The following PRUNE2 variants were observed in gnomAD, a reference collection of about 807,000 sequenced individuals.
PRUNE2 encodes prune homolog 2 with BCH domain.
A neutral mutation model predicts 252.0 loss-of-function variants in PRUNE2; 164 were observed. The observed-to-expected ratio is 0.65, with a 90% CI of 0.57 to 0.74. The LOEUF is 0.74. Ranked by LOEUF, PRUNE2 falls within the 30% of genes least tolerant of loss-of-function variation. PRUNE2 has a pLI of 0.00. For synonymous variants in PRUNE2, 1,292 were observed against 1,350.2 expected, an observed-to-expected ratio of 0.96 and a Z score of 0.94; for missense variants, 3,495 against 3,711.0, an observed-to-expected ratio of 0.94 and a Z score of 1.51.
chr9:76,643,051 C>T (rs1266037737), intron 12 of PRUNE2, among the ~76,000 whole-genome samples: 1 of 152,114 alleles, frequency 6.6e-6, no homozygotes. Flanking sequence ...CCAGGTTAGC[C>T]CTGAGGGCTC....
intron 9 of PRUNE2, among the ~76,000 whole-genome samples, chr9:76,668,194 A>G (rs1055926052): frequency 3.3e-5 from 5 of 152,228 alleles, no homozygotes; most frequent in African/African-American, 1.2e-4. Context: ...ATAGTGCAGA[A>G]TACTCACAGG....
chr9:76,879,601 G>A (rs11145111), intron 1 of PRUNE2, among the ~76,000 whole-genome samples: 4,705 of 151,742 alleles, frequency 0.031, 256 homozygotes, highest in African/African-American at 0.11. Context: ...AAATAACAGG[G>A]AAAAGTAATT....
At chr9:76,642,588 G>A (rs147176921) in intron 12 of PRUNE2, among the ~76,000 whole-genome samples, 108 of 152,274 alleles carry the variant, frequency 7.1e-4, no homozygotes, top group African/African-American at 2.4e-3. Flanking sequence ...AGAGCAAAAT[G>A]TCAAGCACCA....
chr9:76,710,478 T>A lies in PRUNE2; in HGVS notation c.1796A>T (p.Glu599Val). 6.2e-7 allele frequency: 1 copy of A among 1,613,998 alleles called. No homozygotes were observed. The highest frequency in any genetic ancestry group is 8.5e-7 in the Non-Finnish European group (1 of 1,179,894). ...DFVGDESPSPERLKNTGKRIP... is the reference protein window; with the variant it reads ...DFVGDESPSPVRLKNTGKRIP... Reference sequence around the variant, plus strand: ...CCTCTTTCCAGTATTTTTTAGCCTTTCTGGGGAAGGGGATTCATCTCCCAC... The same window carrying A: ...CCTCTTTCCAGTATTTTTTAGCCTTACTGGGGAAGGGGATTCATCTCCCAC... Residue 599 changes from glutamate to valine, a missense_variant, in exon 8 of 19, where the codon GAA (glutamate) becomes GTA (valine). Transcript: ENST00000376718.
chr9:76,800,671 C>G (rs2056487352), intron 6 of PRUNE2, among the ~76,000 whole-genome samples: 1 of 152,120 alleles, frequency 6.6e-6, no homozygotes, highest in Non-Finnish European at 1.5e-5. Flanking sequence ...AAAAGGAAGA[C>G]ATTGCGCCCT....
At chr9:76,644,529 T>C in intron 12 of PRUNE2, 1 of 668,716 alleles carries the variant, frequency 1.5e-6, no homozygotes, top group Non-Finnish European at 2.7e-6. Flanking sequence ...GCCCGTTTTA[T>C]ATTGGAAAGT....
At chr9:76,641,579 C>T (rs1842604454) in intron 12 of PRUNE2, among the ~76,000 whole-genome samples, 2 of 152,206 alleles carry the variant, frequency 1.3e-5, no homozygotes, top group South Asian at 4.1e-4. Context: ...CCCTCAATTT[C>T]TATTCTCAAA....
rs555241913 is a variant in PRUNE2, at chr9:76,775,673, T to C, written c.756+47959A>G. 6.8e-4 allele frequency among the ~76,000 whole-genome samples: 103 copies of C among 152,322 alleles called. 1 individual carries two copies. Among genetic ancestry groups the C allele is most frequent in the South Asian group, 1.7e-3 (8 of 4,820 alleles). ...CTCTTCAGGTATGCAAGGAATGTTA[T>C]CTCTTTACATTTGCCCTAGAACTCC... On this transcript the variant is annotated intron_variant, in intron 6 of 18. Coordinates refer to ENST00000376718, the MANE Select transcript of PRUNE2 (RefSeq NM_015225.3).
intron 4 of PRUNE2, among the ~76,000 whole-genome samples, chr9:76,844,607 A>G (rs2059573056): frequency 6.6e-6 from 1 of 152,126 alleles, no homozygotes; most frequent in Admixed American, 6.6e-5. Flanking sequence ...TCTCCCCTCC[A>G]CATACATACA....
intron 6 of PRUNE2, among the ~76,000 whole-genome samples, chr9:76,814,327 T>C (rs977778680): frequency 6.6e-6 from 1 of 152,020 alleles, no homozygotes; most frequent in African/African-American, 2.4e-5. Flanking sequence ...TCCATCTGAG[T>C]CTCTTAGAAA....
At chr9:76,821,362 G>C (rs902155360) in intron 6 of PRUNE2, among the ~76,000 whole-genome samples, 1 of 152,150 alleles carries the variant, frequency 6.6e-6, no homozygotes, top group Admixed American at 6.6e-5. Flanking sequence ...AGGTTAATGG[G>C]AATGAGAAAG....
chr9:76,754,543 A>C (rs2050931148), intron 6 of PRUNE2, among the ~76,000 whole-genome samples: 1 of 152,164 alleles, frequency 6.6e-6, no homozygotes, highest in Non-Finnish European at 1.5e-5. Context: ...TACCGGCCAA[A>C]CACTTCCTGT....
intron 9 of PRUNE2, among the ~76,000 whole-genome samples, chr9:76,694,651 G>A (rs981227560): frequency 1.3e-5 from 2 of 152,014 alleles, no homozygotes; most frequent in South Asian, 2.1e-4. Flanking sequence ...ACTCCTTTTT[G>A]TCTTGCAAGA....
chr9:76,855,082 A>AAAAAAAAAAATATATAT (rs1490285240), intron 1 of PRUNE2, among the ~76,000 whole-genome samples: 14 of 109,398 alleles, frequency 1.3e-4, no homozygotes, highest in African/African-American at 5.0e-4. Context: ...AAAAAAAAAA[A>AAAAAAAAAAATATATAT]ATATATATAT....
chr9:76,791,987 A>G (rs2055594656), intron 6 of PRUNE2, among the ~76,000 whole-genome samples: 1 of 152,138 alleles, frequency 6.6e-6, no homozygotes, highest in African/African-American at 2.4e-5. Context: ...ATGCAGGGGC[A>G]TGCTCCCAAG....
rs142294693 is a variant in PRUNE2 at position 76,652,385 on chromosome 9, T to A, written c.8557+98A>T. 3.2e-3 allele frequency: 2,587 copies of A among 811,662 alleles called. 39 individuals carry two copies. In the African/African-American group the frequency reaches 0.038, roughly 12 times the overall value. The allele number at this position is 811,662 out of a possible 1,614,324, so 50.3% of individuals were successfully genotyped here. ...AAATAAAAACAGAAGCTTCTAGAAA[T>A]CACAAAAAGGATCCACTGGCACAAA... On this transcript the variant is annotated intron_variant, in intron 11 of 18. Coordinates refer to ENST00000376718, the MANE Select transcript of PRUNE2 (RefSeq NM_015225.3).
In PRUNE2 at chr9:76,636,472, T is replaced by G; in HGVS notation, c.9049A>C (p.Ser3017Arg). 1 of 1,493,840 alleles carries G rather than the reference T, an allele frequency of 6.7e-7. No homozygotes were observed. The highest frequency in any genetic ancestry group is 1.2e-5 in the South Asian group (1 of 82,852). 92.5% of individuals were successfully genotyped at this position (1,493,840 alleles called of 1,614,324 possible). The change falls in exon 15 of 19, where the codon AGT becomes CGT. Residue 3017 changes from serine to arginine, a missense_variant and splice_region_variant. By Grantham distance (110) the Ser-to-Arg change is moderately radical. Coordinates refer to ENST00000376718, the MANE Select transcript of PRUNE2 (RefSeq NM_015225.3). The part of the protein sequence containing the change: ...TILAVTRPFI[S>R]SKFSSKIKYV... ...ATTTTATGACAACATTAACTGTACC[T>G]TATAAAAGGTCGTGTCACAGCAAGG...
chr9:76,644,484 A>AC, intron 12 of PRUNE2: 1 of 422,086 alleles, frequency 2.4e-6, no homozygotes, highest in Non-Finnish European at 4.1e-6. Flanking sequence ...ATAAATTTGC[A>AC]CAAGATGATC....
In PRUNE2 at chr9:76,703,553, G is replaced by A; in HGVS notation, c.8060C>T (p.Ala2687Val). The change falls in exon 9 of 19, where the codon GCA becomes GTA. Residue 2687 changes from alanine (A) to valine (V), a missense_variant. By Grantham distance (64) the Ala-to-Val change is moderately conservative. Coordinates refer to ENST00000376718, the MANE Select transcript of PRUNE2 (RefSeq NM_015225.3). ...LEEMKPLESL[A>V]LEEASGPVSQ... is the part of the protein sequence containing the mutation. ...GACTGGACCAGAGGCTTCCTCTAGT[G>A]CCAAAGATTCTAGAGGCTTCATTTC... 6.2e-7 allele frequency: 1 copy of A among 1,613,728 alleles called. No homozygotes were observed. Among genetic ancestry groups the A allele is most frequent in the East Asian group, 2.2e-5 (1 of 44,886 alleles).
Sources: gnomAD v4.1 joint callset for allele counts (sites outside exome capture counted in the v4.1 genomes callset) on GRCh38, gnomAD v4.1.1 for gene constraint, MANE v1.5 for transcripts, NCBI Gene and HGNC (gene_info 2026-07-23, HGNC 2026-07-21) for gene names.